Variants in EXOC6B observed in about 807,000 individuals in gnomAD.
EXOC6B encodes the protein exocyst complex component 6B.
Under a neutral mutation model 113.5 loss-of-function variants are expected in EXOC6B, and 54 were observed. The ratio of observed to expected loss-of-function variants is 0.48; its 90% CI spans 0.38 to 0.60. The LOEUF (loss-of-function observed/expected upper bound fraction) is 0.60, where lower values mean the gene tolerates loss of function less well. Among genes scored for constraint, EXOC6B ranks in the 20% least tolerant of loss-of-function variants. The pLI, the probability that EXOC6B is intolerant of heterozygous loss-of-function variation, is 0.00. For missense variants in EXOC6B, 797 were observed against 977.5 expected (o/e 0.82, Z 2.46); for synonymous variants, 357 against 339.0 (o/e 1.05, Z -0.58).
At chr2:72,570,223 G>A (rs1008105941) in intron 7 of EXOC6B, among the ~76,000 whole-genome samples, 1 of 152,138 alleles carries the variant, frequency 6.6e-6, no homozygotes, top group Admixed American at 6.6e-5. Flanking sequence ...CGGCTAGAAG[G>A]CAACTATCTG....
chr2:72,282,850 C>A (rs1685212930), intron 20 of EXOC6B, among the ~76,000 whole-genome samples: 1 of 151,996 alleles, frequency 6.6e-6, no homozygotes, highest in Non-Finnish European at 1.5e-5. Context: ...TTGATCTGCC[C>A]AGAAGATGCA....
At chr2:72,735,850 A>G (rs909852994) in intron 2 of EXOC6B, among the ~76,000 whole-genome samples, 7 of 151,812 alleles carry the variant, frequency 4.6e-5, no homozygotes, top group African/African-American at 1.7e-4. Flanking sequence ...AATAAAGATA[A>G]TAACTGTGTC....
At chr2:72,511,822 T>C (rs1700917427) in intron 11 of EXOC6B, among the ~76,000 whole-genome samples, 1 of 152,122 alleles carries the variant, frequency 6.6e-6, no homozygotes, top group Non-Finnish European at 1.5e-5. Context: ...AAATAGGTTT[T>C]TACACACAGT....
intron 6 of EXOC6B, among the ~76,000 whole-genome samples, chr2:72,665,252 C>T (rs904678822): frequency 2.6e-5 from 4 of 152,120 alleles, no homozygotes; most frequent in African/African-American, 7.2e-5. Flanking sequence ...TCATCTCTCT[C>T]CCACACACAC....
At position 72,397,075 on chromosome 2, in the gene EXOC6B, T is replaced by A. The variant is rs184665180; in HGVS notation, c.1981-17205A>T. Among the ~76,000 whole-genome samples, 565 of 152,290 alleles carry A rather than the reference T, an allele frequency of 3.7e-3. 7 individuals carry two copies. The highest frequency in any genetic ancestry group is 0.013 in the African/African-American group (544 of 41,552). Reference sequence around the variant, plus strand: ...TAATAATCCATGGCAATTACAAAAATTATAATTCTCAGCCTGTTGTCAGAT... The same window carrying A: ...TAATAATCCATGGCAATTACAAAAAATATAATTCTCAGCCTGTTGTCAGAT... On this transcript the variant is annotated intron_variant, in intron 18 of 21. Coordinates refer to ENST00000272427, the MANE Select transcript of EXOC6B (RefSeq NM_015189.3).
rs182847873 is a variant in EXOC6B at position 72,229,695 on chromosome 2, A to T, written c.2197-45508T>A. On this transcript the variant is annotated intron_variant, in intron 20 of 21. Transcript: ENST00000272427. ...GTATGAAAATGTTTATTATAGAGTCACCTGCAAGAGCAAAAATAAGAAATA... is the reference window on the plus strand; with the variant it reads ...GTATGAAAATGTTTATTATAGAGTCTCCTGCAAGAGCAAAAATAAGAAATA... Among the ~76,000 whole-genome samples, 13 of 152,332 alleles carry T rather than the reference A, an allele frequency of 8.5e-5. No individual in the cohort carries two copies. The East Asian group carries it at 2.5e-3, about 29-fold the overall frequency.
intron 8 of EXOC6B, among the ~76,000 whole-genome samples, chr2:72,528,500 A>T (rs1475647343): frequency 2.0e-5 from 3 of 152,174 alleles, no homozygotes; most frequent in East Asian, 3.9e-4. Flanking sequence ...TTCTTTTTTT[A>T]AAATTTGTCT....
chr2:72,653,299 C>A (rs1006448796), intron 6 of EXOC6B, among the ~76,000 whole-genome samples: 1 of 146,680 alleles, frequency 6.8e-6, no homozygotes, highest in Non-Finnish European at 1.5e-5. Context: ...AGTAAACTAT[C>A]GCAAGAACAA....
intron 1 of EXOC6B, among the ~76,000 whole-genome samples, chr2:72,801,768 A>G (rs1010137182): frequency 1.3e-5 from 2 of 152,210 alleles, no homozygotes; most frequent in African/African-American, 4.8e-5. Flanking sequence ...ATTTGCTCCA[A>G]GAAGAGTCAT....
chr2:72,583,003 A>G (rs1705327257), intron 6 of EXOC6B, among the ~76,000 whole-genome samples: 2 of 152,352 alleles, frequency 1.3e-5, no homozygotes, highest in Middle Eastern at 3.4e-3. Context: ...ATACATTAAA[A>G]GAAATTAATT....
intron 20 of EXOC6B, among the ~76,000 whole-genome samples, chr2:72,211,700 T>G (rs1322169971): frequency 2.0e-5 from 3 of 152,244 alleles, no homozygotes; most frequent in Non-Finnish European, 4.4e-5. Context: ...ATTCCCATGG[T>G]AAATTTGATA....
chr2:72,262,063 A>T (rs1218232917), intron 20 of EXOC6B, among the ~76,000 whole-genome samples: 1 of 152,164 alleles, frequency 6.6e-6, no homozygotes, highest in Non-Finnish European at 1.5e-5. Flanking sequence ...TTCTTTCCCT[A>T]TATCTCACTG....
intron 18 of EXOC6B, among the ~76,000 whole-genome samples, chr2:72,438,303 C>T (rs1273238297): frequency 6.7e-6 from 1 of 150,128 alleles, no homozygotes; most frequent in African/African-American, 2.5e-5. Flanking sequence ...AGCTATCAAT[C>T]TTTGTGGAAA....
chr2:72,329,073 G>A (rs1281073049), intron 20 of EXOC6B, among the ~76,000 whole-genome samples: 1 of 151,960 alleles, frequency 6.6e-6, no homozygotes, highest in Non-Finnish European at 1.5e-5. Flanking sequence ...TTACTGGTCC[G>A]TACACTTCCC....
At chr2:72,185,137 C>T (rs1195048007) in intron 20 of EXOC6B, among the ~76,000 whole-genome samples, 1 of 152,224 alleles carries the variant, frequency 6.6e-6, no homozygotes, top group East Asian at 1.9e-4. Context: ...GGGGCACAGT[C>T]CCAGACTCAT....
intron 1 of EXOC6B, among the ~76,000 whole-genome samples, chr2:72,798,277 C>G (rs528592605): frequency 1.3e-5 from 2 of 151,650 alleles, no homozygotes; most frequent in South Asian, 4.2e-4. Context: ...CTCTAGAGAG[C>G]AGAGAAAAAT....
At chr2:72,763,535 A>G (rs1420391057) in intron 1 of EXOC6B, among the ~76,000 whole-genome samples, 1 of 150,420 alleles carries the variant, frequency 6.6e-6, no homozygotes, top group Non-Finnish European at 1.5e-5. Context: ...TGATCCTCCT[A>G]TCTCAGCCTC....
At chr2:72,701,881 A>G (rs1678371520) in intron 6 of EXOC6B, among the ~76,000 whole-genome samples, 1 of 151,500 alleles carries the variant, frequency 6.6e-6, no homozygotes. Context: ...TCACTGGTAC[A>G]GAAGGCAATT....
intron 1 of EXOC6B, among the ~76,000 whole-genome samples, chr2:72,767,077 C>T (rs988194619): frequency 6.6e-6 from 1 of 151,990 alleles, no homozygotes; most frequent in Admixed American, 6.6e-5. Context: ...CATCAAAAGC[C>T]CTCAGCCAGC....
Sources: gnomAD v4.1 joint callset for allele counts (sites outside exome capture counted in the v4.1 genomes callset) on GRCh38, gnomAD v4.1.1 for gene constraint, MANE v1.5 for transcripts, NCBI Gene and HGNC (gene_info 2026-07-23, HGNC 2026-07-21) for gene names.